SORL1: variants seen among roughly 807,000 people sequenced by gnomAD.
SORL1 encodes sortilin-related receptor.
A neutral mutation model predicts 273.7 loss-of-function variants in SORL1; 127 were observed. The ratio of observed to expected loss-of-function variants is 0.46; its 90% CI spans 0.40 to 0.54. The LOEUF (loss-of-function observed/expected upper bound fraction) is 0.54, where lower values mean the gene tolerates loss of function less well. Among genes scored for constraint, SORL1 ranks in the 20% least tolerant of loss-of-function variants. The pLI, the probability that SORL1 is intolerant of heterozygous loss-of-function variation, is 0.00. For synonymous variants in SORL1, 1,031 were observed against 1,067.4 expected, an observed-to-expected ratio of 0.97 and a Z score of 0.66; for missense variants, 2,494 against 2,846.1, an observed-to-expected ratio of 0.88 and a Z score of 2.81.
intron 38 of SORL1, chr11:121,609,429 T>C (rs1863528084): frequency 6.6e-6 from 1 of 152,240 alleles, no homozygotes; most frequent in Non-Finnish European, 1.5e-5. Context: ...TTCAAAACAC[T>C]GACCACACAT....
rs574930226 is a variant in SORL1 at position 121,539,283 on chromosome 11, G to T, written c.1686-4265G>T. Among the ~76,000 whole-genome samples the T allele has an allele frequency of 1.9e-4, 29 of 152,316 alleles. No homozygotes were observed. The South Asian group carries it at 4.3e-3, about 23-fold the overall frequency. The stretch of plus-strand genomic sequence containing the variant: ...GGAAAGGAAATGGAGTTAGTCTGTT[G>T]TGACTTGTGTGTGAAACCATTTGGG... On this transcript the variant is annotated intron_variant, in intron 12 of 47. Transcript: ENST00000260197.
chr11:121,615,133 T>A, intron 41 of SORL1, 78 bp downstream of exon 41: 1 of 1,227,448 alleles, frequency 8.1e-7, no homozygotes, highest in South Asian at 1.7e-5. Flanking sequence ...ACTCCAGGGC[T>A]TTTCTCTCTT....
chr11:121,510,732 T>G (rs1861864879), intron 6 of SORL1, among the ~76,000 whole-genome samples: 2 of 152,044 alleles, frequency 1.3e-5, no homozygotes. Context: ...GGATAATGGG[T>G]GTTGGGGGTA....
At chr11:121,569,285 A>G (rs1862801136) in intron 22 of SORL1, among the ~76,000 whole-genome samples, 1 of 152,226 alleles carries the variant, frequency 6.6e-6, no homozygotes, top group African/African-American at 2.4e-5. Flanking sequence ...GTGTGTTTGA[A>G]CAATATGAAA....
Position 121,595,931 on chromosome 11 carries a change from G to T in SORL1, c.4519+159G>T, listed in dbSNP as rs914001808. ...GCATTCTCCACAAGCGCTTTGCCAC[G>T]TGCACCCATACCATTGCGTTAGTCA... On this transcript the variant is annotated intron_variant, in intron 32 of 47. Coordinates refer to ENST00000260197, the MANE Select transcript of SORL1 (RefSeq NM_003105.6). This position sits in a 1 kb window ranked among gnomAD's most constrained non-coding sequence, Gnocchi z 5.1. Among the ~76,000 whole-genome samples the T allele has an allele frequency of 2.0e-5, 3 of 152,204 alleles. No individual in the cohort carries two copies. The highest frequency in any genetic ancestry group is 6.5e-5 in the Admixed American group (1 of 15,278).
rs1863889835 is a variant in SORL1 at position 121,632,546 on chromosome 11, A to T, written c.*2983A>T. 6.6e-6 allele frequency: 1 copy of T among 151,592 alleles called. No homozygotes were observed. The highest frequency in any genetic ancestry group is 2.1e-4 in the South Asian group (1 of 4,760). 9.4% of individuals were successfully genotyped at this position (151,592 alleles called of 1,614,324 possible). A position where few individuals can be genotyped will look rare whatever the true frequency, so the allele number is the denominator to read the frequency against. Reference sequence around the variant, plus strand: ...CACCAGGGATATTTGGGTGGGACAGACAGAAGACACACAGCTGCCTGTTCT... The same window carrying T: ...CACCAGGGATATTTGGGTGGGACAGTCAGAAGACACACAGCTGCCTGTTCT... On this transcript the variant is annotated 3_prime_UTR_variant, in exon 48 of 48. Coordinates refer to ENST00000260197, the MANE Select transcript of SORL1 (RefSeq NM_003105.6).
intron 13 of SORL1, 115 bp downstream of exon 13, chr11:121,543,841 G>A (rs682021): frequency 0.47 from 452,278 of 960,402 alleles, 108,161 homozygotes; most frequent in East Asian, 0.54. Flanking sequence ...CATTGGGGGA[G>A]ATGGGCCCAT....
At position 121,583,530 on chromosome 11, in the gene SORL1, G is replaced by A; in HGVS notation, c.3653G>A (p.Cys1218Tyr). 2 of 1,612,952 alleles carry A rather than the reference G, an allele frequency of 1.2e-6. No homozygotes were observed. The highest frequency in any genetic ancestry group is 1.7e-6 in the Non-Finnish European group (2 of 1,179,488). Reference protein sequence around the residue: ...NGHCIPQRWACDGDTDCQDGS... With the variant: ...NGHCIPQRWAYDGDTDCQDGS... ...CACTGCATCCCCCAGCGGTGGGCGT[G>A]TGACGGGGATACGGACTGCCAGGAT... Residue 1218 changes from cysteine (C) to tyrosine (Y), a missense_variant, in exon 26 of 48, where the codon TGT becomes TAT. Cys to Tyr is a radical substitution (Grantham distance 194, BLOSUM62 -2). Transcript: ENST00000260197.
intron 40 of SORL1, 70 bp from the exon 41 acceptor site, chr11:121,614,801 A>C: frequency 3.2e-6 from 4 of 1,252,614 alleles, no homozygotes; most frequent in Non-Finnish European, 4.6e-6. Flanking sequence ...AAAAAAGTGC[A>C]TGTACCAAGA....
rs1336884734 is a variant in SORL1 at position 121,630,176 on chromosome 11, A to G, written c.*613A>G. ...TTTTTTGCCATTCCGGAAGCAATCC[A>G]TTTTTATTCACTTGTGTGTCATGTA... On this transcript the variant is annotated 3_prime_UTR_variant, in exon 48 of 48. Coordinates refer to ENST00000260197, the MANE Select transcript of SORL1 (RefSeq NM_003105.6). 1 of 152,800 alleles carries G rather than the reference A, an allele frequency of 6.5e-6. No individual in the cohort carries two copies. Among genetic ancestry groups the G allele is most frequent in the Non-Finnish European group, 1.5e-5 (1 of 68,506 alleles). 9.5% of individuals were successfully genotyped at this position (152,800 alleles called of 1,614,324 possible).
intron 1 of SORL1, among the ~76,000 whole-genome samples, chr11:121,461,642 G>A (rs746755089): frequency 1.8e-4 from 28 of 152,178 alleles, no homozygotes; most frequent in Admixed American, 3.3e-4. Flanking sequence ...AAACAGTGTC[G>A]CCTCTGGGCT....
chr11:121,527,257 A>T (rs1480450467), intron 11 of SORL1, among the ~76,000 whole-genome samples: 7 of 151,786 alleles, frequency 4.6e-5, no homozygotes, highest in Non-Finnish European at 4.4e-5. Context: ...TACATTTATT[A>T]AAATGATTTT....
intron 21 of SORL1, among the ~76,000 whole-genome samples, chr11:121,560,762 ATAT>A (rs1356582311): frequency 6.6e-6 from 1 of 152,204 alleles, no homozygotes; most frequent in Non-Finnish European, 1.5e-5. Context: ...ATGTAAGACG[ATAT>A]TATTTGTTAT....
chr11:121,627,511 C>T lies in SORL1; in HGVS notation c.6365-44C>T. ...CTTGAGGAGTCATCTGGTCTGTTCT[C>T]CTGCCCTCAGGTGGGCTTATTGGTG... On this transcript the variant is annotated intron_variant, in intron 46 of 47. Coordinates refer to ENST00000260197, the MANE Select transcript of SORL1 (RefSeq NM_003105.6). This position sits in a 1 kb window ranked among gnomAD's most constrained non-coding sequence, Gnocchi z 4.9. The T allele has an allele frequency of 6.5e-7, 1 of 1,545,986 alleles. No individual in the cohort carries two copies. Among genetic ancestry groups the T allele is most frequent in the Non-Finnish European group, 8.9e-7 (1 of 1,118,594 alleles).
At chr11:121,577,099 GCA>G in intron 24 of SORL1, 180 bp from the exon 25 acceptor site, 1 of 1,068,730 alleles carries the variant, frequency 9.4e-7, no homozygotes, top group East Asian at 2.6e-5. Context: ...CCCATTTGCA[GCA>G]CACTGACTGG....
chr11:121,613,303 A>G (rs1168986838), intron 40 of SORL1, among the ~76,000 whole-genome samples: 4 of 152,244 alleles, frequency 2.6e-5, no homozygotes, highest in Non-Finnish European at 5.9e-5. Context: ...GGAGTGGTCC[A>G]GTCCCTGTTA....
rs748518944 is a variant in SORL1, at chr11:121,549,928, G to A, written c.2052-32G>A. The A allele has an allele frequency of 3.7e-6, 6 of 1,608,038 alleles. 1 individual carries two copies. Among genetic ancestry groups the A allele is most frequent in the Admixed American group, 1.7e-5 (1 of 59,788 alleles). On this transcript the variant is annotated intron_variant, in intron 14 of 47. Coordinates refer to ENST00000260197, the MANE Select transcript of SORL1 (RefSeq NM_003105.6). ...AGGAATGCCTGAAATGTATAAAACCGTGGCCTTAACAAAGCCCAATTGCCT... is the reference window on the plus strand; with the variant it reads ...AGGAATGCCTGAAATGTATAAAACCATGGCCTTAACAAAGCCCAATTGCCT...
chr11:121,456,429 A>G (rs548953451), intron 1 of SORL1, among the ~76,000 whole-genome samples: 1 of 152,324 alleles, frequency 6.6e-6, no homozygotes, highest in East Asian at 1.9e-4. Flanking sequence ...AGAGAGGCCC[A>G]GAGGGTAGGA....
At position 121,612,826 on chromosome 11, in the gene SORL1, C is replaced by T. The variant is rs376768729; in HGVS notation, c.5413C>T (p.His1805Tyr). 1 of 1,611,358 alleles carries T rather than the reference C, an allele frequency of 6.2e-7. No homozygotes were observed. The highest frequency in any genetic ancestry group is 8.5e-7 in the Non-Finnish European group (1 of 1,177,526). Residue 1805 changes from histidine (H) to tyrosine (Y), a missense_variant, in exon 40 of 48, where the codon CAC becomes TAC. This residue lies in a region of SORL1 where 1,609 missense variants were observed against 1,816.4 expected (regional missense o/e 0.89). Transcript: ENST00000260197. The part of the protein sequence containing the change: ...TLNFRGSILS[H>Y]KVGNLTAHTS... ...GAACTTCCGAGGAAGCATATTGTCA[C>T]ACAAAGGTAACACTTTGGTGCTGGT...
Sources: gnomAD v4.1 joint callset for allele counts (sites outside exome capture counted in the v4.1 genomes callset) on GRCh38, gnomAD v4.1.1 for gene constraint, gnomAD v4.1.1 regional missense constraint, Gnocchi (gnomAD v3.1) non-coding constraint, MANE v1.5 for transcripts, NCBI Gene and HGNC (gene_info 2026-07-23, HGNC 2026-07-21) for gene names.